QTGAL: variants seen among roughly 807,000 people sequenced by gnomAD.
QTGAL encodes the protein queuosine-tRNA galactosyltransferase.
At chr17:82,954,810 G>A in the QTGAL span, among the ~76,000 whole-genome samples, 15 of 152,182 alleles carry the variant, frequency 9.9e-5, no homozygotes, top group African/African-American at 3.6e-4. Context: ...CAGAACAGAG[G>A]CCTCAGAAAT....
At chr17:82,965,518 A>T in the QTGAL span, 1 of 871,672 alleles carries the variant, frequency 1.1e-6, no homozygotes, top group Non-Finnish European at 1.8e-6. Context: ...GAGGACCCTC[A>T]GGCAGGGGTT....
At chr17:83,033,374 G>A in the QTGAL span, among the ~76,000 whole-genome samples, 1 of 152,126 alleles carries the variant, frequency 6.6e-6, no homozygotes, top group African/African-American at 2.4e-5. Context: ...CAAGAAGGAA[G>A]CTGAGGAGTG....
At chr17:82,977,498 A>C in the QTGAL span, among the ~76,000 whole-genome samples, 42 of 149,546 alleles carry the variant, frequency 2.8e-4, no homozygotes, top group East Asian at 7.6e-3. Context: ...AACAAAAAAA[A>C]ACTTTTCTTT....
the QTGAL span, chr17:82,942,217 A>G: frequency 1.7e-6 from 1 of 594,708 alleles, no homozygotes; most frequent in South Asian, 2.1e-5. Context: ...AGAGCAGTGC[A>G]GTGAACCTCC....
At chr17:82,952,828 G>C in the QTGAL span, among the ~76,000 whole-genome samples, 1 of 152,260 alleles carries the variant, frequency 6.6e-6, no homozygotes, top group Non-Finnish European at 1.5e-5. Context: ...AAATGCAAAA[G>C]AACAGAAATC....
the QTGAL span, chr17:82,949,908 G>A: frequency 6.6e-6 from 1 of 152,222 alleles, no homozygotes; most frequent in Non-Finnish European, 1.5e-5. Flanking sequence ...TGGGGATTTG[G>A]AGGTGTGGAG....
chr17:82,994,065 C>A, the QTGAL span, among the ~76,000 whole-genome samples: 3 of 151,796 alleles, frequency 2.0e-5, no homozygotes, highest in African/African-American at 7.3e-5. Flanking sequence ...AAGAAGAAAA[C>A]CTTCAAATAA....
At chr17:83,015,334 A>G in the QTGAL span, among the ~76,000 whole-genome samples, 1 of 152,256 alleles carries the variant, frequency 6.6e-6, no homozygotes, top group Non-Finnish European at 1.5e-5. This position sits in a 1 kb window ranked among gnomAD's most constrained non-coding sequence, Gnocchi z 4.4. Context: ...ACGTCTGACT[A>G]CTTGGGTAGG....
the QTGAL span, chr17:83,005,027 C>G: frequency 4.2e-5 from 47 of 1,122,776 alleles, no homozygotes; most frequent in Admixed American, 2.6e-4. This position sits in a 1 kb window ranked among gnomAD's most constrained non-coding sequence, Gnocchi z 5.6. Context: ...CACGACGACG[C>G]AGACACAAGA....
chr17:82,968,853 G>A, the QTGAL span, among the ~76,000 whole-genome samples: 17 of 152,050 alleles, frequency 1.1e-4, no homozygotes. Flanking sequence ...TACAAAATTA[G>A]CCAGGCATGG....
At chr17:82,956,670 C>T in the QTGAL span, 1 of 1,535,596 alleles carries the variant, frequency 6.5e-7, no homozygotes, top group Non-Finnish European at 8.8e-7. This position sits in a 1 kb window ranked among gnomAD's most constrained non-coding sequence, Gnocchi z 5.7. Flanking sequence ...CCAAGCCCTT[C>T]CACGGCCAAG....
At chr17:82,964,802 T>G in the QTGAL span, among the ~76,000 whole-genome samples, 1 of 35,202 alleles carries the variant, frequency 2.8e-5, no homozygotes. Context: ...CACGGGGGGA[T>G]GGGGACACGG....
At chr17:82,988,129 G>A in the QTGAL span, among the ~76,000 whole-genome samples, 1 of 152,196 alleles carries the variant, frequency 6.6e-6, no homozygotes, top group Non-Finnish European at 1.5e-5. Flanking sequence ...TTTGTATCCT[G>A]AGACTTTGCT....
At chr17:83,031,520 A>AGGGG in the QTGAL span, among the ~76,000 whole-genome samples, 1 of 150,510 alleles carries the variant, frequency 6.6e-6, no homozygotes, top group African/African-American at 2.5e-5. Context: ...CGCCACGTTT[A>AGGGG]GACAGGGCTC....
chr17:82,954,615 G>C, the QTGAL span, among the ~76,000 whole-genome samples: 90 of 152,096 alleles, frequency 5.9e-4, no homozygotes, highest in Non-Finnish European at 1.1e-3. Context: ...TTTATTCACA[G>C]AACCAGAAAA....
At chr17:83,040,158 G>A in the QTGAL span, among the ~76,000 whole-genome samples, 4 of 152,134 alleles carry the variant, frequency 2.6e-5, no homozygotes, top group South Asian at 2.1e-4. Flanking sequence ...CAATGCCCAC[G>A]CTGCACCCCA....
the QTGAL span, among the ~76,000 whole-genome samples, chr17:82,984,301 G>C: frequency 8.0e-6 from 1 of 125,526 alleles, no homozygotes; most frequent in South Asian, 2.9e-4. Flanking sequence ...CGGGGGAGAG[G>C]CCATGTGAGG....
At chr17:82,942,529 GT>G in the QTGAL span, 3 of 1,610,280 alleles carry the variant, frequency 1.9e-6, no homozygotes, top group East Asian at 6.7e-5. Context: ...AGGGAGGCCG[GT>G]GTGGAAAGCC....
At chr17:82,996,408 G>C in the QTGAL span, among the ~76,000 whole-genome samples, 119 of 152,012 alleles carry the variant, frequency 7.8e-4, 1 homozygote, top group Middle Eastern at 0.01. Context: ...TGTAGTCCCA[G>C]CTGCTCAGCA....
Sources: gnomAD v4.1 joint callset for allele counts (sites outside exome capture counted in the v4.1 genomes callset) on GRCh38, gnomAD v4.1.1 for gene constraint, Gnocchi (gnomAD v3.1) non-coding constraint, MANE v1.5 for transcripts, NCBI Gene and HGNC (gene_info 2026-07-23, HGNC 2026-07-21) for gene names.